Variants in SV2C observed in about 807,000 individuals in gnomAD.
SV2C encodes synaptic vesicle glycoprotein 2C.
SV2C carries 49 observed loss-of-function variants against 79.7 expected under a neutral mutation model. The observed-to-expected ratio is 0.61, with a 90% confidence interval of 0.49 to 0.78. The LOEUF (loss-of-function observed/expected upper bound fraction) is 0.78. Ranked by LOEUF, SV2C falls within the 30% of genes least tolerant of loss-of-function variation. The probability of loss-of-function intolerance (pLI) is 0.00; values close to 1 mark genes in which losing one functional copy is unlikely to be tolerated. For synonymous variants in SV2C, 334 were observed against 333.2 expected (o/e 1.00, Z -0.03); for missense variants, 833 against 912.9 (o/e 0.91, Z 1.13).
chr5:75,875,798 T>C, the SV2C span, among the ~76,000 whole-genome samples: 16 of 151,888 alleles, frequency 1.1e-4, no homozygotes, highest in Non-Finnish European at 1.9e-4. Context: ...AAGATATACA[T>C]GTGGCCAACA....
Position 76,295,866 on chromosome 5 carries a change from G to A in SV2C, c.1426G>A (p.Asp476Asn), listed in dbSNP as rs558722782. The change falls in exon 9 of 13, where the codon GAT becomes AAT. Residue 476 changes from aspartate (D) to asparagine (N), a missense_variant. Asp to Asn is a conservative substitution (Grantham distance 23). Coordinates refer to ENST00000502798, the MANE Select transcript of SV2C (RefSeq NM_014979.4). ...ATTGCTAACCAGAAATGTGGAGAGA[G>A]ATAAATATGCAAATTTCACTATTAA... ...YALLTRNVER[D>N]KYANFTINFT... is the part of the protein sequence containing the mutation. The A allele has an allele frequency of 6.2e-6, 10 of 1,613,368 alleles. No individual in the cohort carries two copies. The highest frequency in any genetic ancestry group is 8.5e-6 in the Non-Finnish European group (10 of 1,179,694).
At chr5:75,984,315 T>C in the SV2C span, among the ~76,000 whole-genome samples, 1 of 152,134 alleles carries the variant, frequency 6.6e-6, no homozygotes, top group Non-Finnish European at 1.5e-5. Context: ...AACTTTCTTT[T>C]TATAATAATA....
At chr5:75,893,163 C>T in the SV2C span, among the ~76,000 whole-genome samples, 1 of 152,020 alleles carries the variant, frequency 6.6e-6, no homozygotes, top group African/African-American at 2.4e-5. Flanking sequence ...ATTTGCATTT[C>T]TCTGATGATT....
the SV2C span, among the ~76,000 whole-genome samples, chr5:75,874,776 G>A: frequency 6.6e-6 from 1 of 151,906 alleles, no homozygotes; most frequent in African/African-American, 2.4e-5. Flanking sequence ...GCCAAACCAA[G>A]AGCCAAATCA....
chr5:75,990,956 A>G, the SV2C span, among the ~76,000 whole-genome samples: 1 of 151,958 alleles, frequency 6.6e-6, no homozygotes, highest in African/African-American at 2.4e-5. Flanking sequence ...AAGCTTTTGT[A>G]ATTGCCTATC....
At chr5:76,079,951 T>C (rs1746959499), upstream of SV2C, among the ~76,000 whole-genome samples, 1 of 152,160 alleles carries the variant, frequency 6.6e-6, no homozygotes, top group South Asian at 2.1e-4. Flanking sequence ...GGGTGTTTTT[T>C]TTTTTGAAAG....
chr5:75,849,692 A>G, the SV2C span, among the ~76,000 whole-genome samples: 2,519 of 152,320 alleles, frequency 0.017, 71 homozygotes, highest in African/African-American at 0.058. Context: ...TTAATGCTTT[A>G]TGATTCTTTG....
the SV2C span, among the ~76,000 whole-genome samples, chr5:75,933,983 C>G: frequency 6.6e-6 from 1 of 152,218 alleles, no homozygotes; most frequent in Admixed American, 6.5e-5. Flanking sequence ...GACACTATTA[C>G]TTAACATTTA....
intron 9 of SV2C, among the ~76,000 whole-genome samples, chr5:76,296,762 TG>T (rs556238521): frequency 4.1e-4 from 62 of 152,296 alleles, no homozygotes; most frequent in African/African-American, 1.4e-3. Context: ...AAGAATTCAG[TG>T]GGATGCTTAT....
Position 76,173,430 on chromosome 5 carries a change from T to G in SV2C, c.581-21489T>G, listed in dbSNP as rs988685224. On this transcript the variant is annotated intron_variant, in intron 2 of 12. Coordinates refer to ENST00000502798, the MANE Select transcript of SV2C (RefSeq NM_014979.4). ...GCATACTCTAGGACTATTATATAAG[T>G]AAAAATCTCTCTTGTGATACTGGAA... 1.8e-4 allele frequency among the ~76,000 whole-genome samples: 28 copies of G among 152,186 alleles called. 1 individual carries two copies. Among genetic ancestry groups the G allele is most frequent in the African/African-American group, 6.8e-4 (28 of 41,436 alleles).
At chr5:76,117,848 C>T (rs924934080) in intron 1 of SV2C, among the ~76,000 whole-genome samples, 2 of 152,158 alleles carry the variant, frequency 1.3e-5, no homozygotes, top group East Asian at 3.9e-4. Context: ...TACAACAAAG[C>T]AGAAAACATG....
chr5:76,083,761 G>C (rs1208337927), intron 1 of SV2C, among the ~76,000 whole-genome samples: 1 of 152,340 alleles, frequency 6.6e-6, no homozygotes, highest in East Asian at 1.9e-4. Flanking sequence ...CGCTAGGGTA[G>C]GTCTGGGGAC....
At chr5:76,250,906 G>A (rs1451672866) in intron 4 of SV2C, among the ~76,000 whole-genome samples, 2 of 152,090 alleles carry the variant, frequency 1.3e-5, no homozygotes, top group African/African-American at 4.8e-5. Context: ...TACAAGAAGG[G>A]CAGCCATCAG....
At chr5:76,254,327 G>A (rs934515923) in intron 4 of SV2C, among the ~76,000 whole-genome samples, 6 of 151,884 alleles carry the variant, frequency 4.0e-5, no homozygotes, top group South Asian at 4.2e-4. Flanking sequence ...GCCAGCCAAT[G>A]TGGCATAATA....
At chr5:76,291,709 C>T in intron 7 of SV2C, 59 bp from the exon 8 acceptor site, 12 of 1,186,296 alleles carry the variant, frequency 1.0e-5, no homozygotes, top group Non-Finnish European at 1.4e-5. Flanking sequence ...TGGAAGGGGT[C>T]GGGGAGTGGG....
intron 1 of SV2C, among the ~76,000 whole-genome samples, chr5:76,127,917 C>G (rs1748763611): frequency 6.6e-6 from 1 of 152,158 alleles, no homozygotes; most frequent in Non-Finnish European, 1.5e-5. Flanking sequence ...TTCCATCGCT[C>G]CCTCCCGCCC....
chr5:76,294,764 G>A (rs1201296092), intron 8 of SV2C, among the ~76,000 whole-genome samples: 2 of 152,160 alleles, frequency 1.3e-5, no homozygotes, highest in Non-Finnish European at 2.9e-5. Context: ...GTACTGAACA[G>A]TACAGCAGCA....
At chr5:76,127,586 T>G (rs1238681732) in intron 1 of SV2C, among the ~76,000 whole-genome samples, 7 of 152,220 alleles carry the variant, frequency 4.6e-5, no homozygotes, top group African/African-American at 1.4e-4. Context: ...CAGGAGATAC[T>G]GCTAATGCCC....
chr5:75,930,753 C>T, the SV2C span, among the ~76,000 whole-genome samples: 1 of 152,202 alleles, frequency 6.6e-6, no homozygotes, highest in Admixed American at 6.5e-5. Context: ...AATCTATATT[C>T]AAAAGATAAG....
Sources: gnomAD v4.1 joint callset for allele counts (sites outside exome capture counted in the v4.1 genomes callset) on GRCh38, gnomAD v4.1.1 for gene constraint, MANE v1.5 for transcripts, NCBI Gene and HGNC (gene_info 2026-07-23, HGNC 2026-07-21) for gene names.